Variants in PPA2 observed in about 807,000 individuals in gnomAD.
PPA2 encodes inorganic pyrophosphatase 2, mitochondrial.
Under a neutral mutation model 49.5 loss-of-function variants are expected in PPA2, and 48 were observed. That is an observed-to-expected ratio of 0.97 (90% CI 0.77 to 1.23). PPA2 has a LOEUF of 1.23. Among genes scored for constraint, PPA2 ranks in the 50% most tolerant of loss-of-function variants. The pLI is 0.00. For synonymous variants in PPA2, 131 were observed against 139.9 expected (o/e 0.94, Z 0.45); for missense variants, 429 against 410.1 (o/e 1.05, Z -0.40).
At chr4:105,373,874 G>A (rs775438764) in intron 10 of PPA2, among the ~76,000 whole-genome samples, 2 of 151,688 alleles carry the variant, frequency 1.3e-5, no homozygotes, top group Non-Finnish European at 2.9e-5. Context: ...TATTAAAAGA[G>A]AAACTGTCAT....
At chr4:105,371,121 G>A (rs531897062) in intron 10 of PPA2, among the ~76,000 whole-genome samples, 27 of 152,274 alleles carry the variant, frequency 1.8e-4, no homozygotes, top group Middle Eastern at 3.4e-3. Flanking sequence ...GGAATCCACT[G>A]AAGGTCTTGC....
At chr4:105,453,474 G>T (rs1195412261) in intron 3 of PPA2, 124 bp downstream of exon 3, 1 of 621,988 alleles carries the variant, frequency 1.6e-6, no homozygotes, top group Non-Finnish European at 2.6e-6. Flanking sequence ...AAAAACATCG[G>T]AATGCACATG....
chr4:105,427,270 C>A (rs1428419157), intron 6 of PPA2, among the ~76,000 whole-genome samples: 6 of 152,098 alleles, frequency 3.9e-5, no homozygotes, highest in Middle Eastern at 3.2e-3. Flanking sequence ...CTGAAAATTC[C>A]AAAAACCAGA....
At chr4:105,404,327 C>T (rs1044391459) in intron 7 of PPA2, among the ~76,000 whole-genome samples, 5 of 151,828 alleles carry the variant, frequency 3.3e-5, no homozygotes, top group Non-Finnish European at 7.4e-5. Context: ...CCCCAATCCC[C>T]TGATTTTTTA....
rs562985556 is a variant in PPA2, at chr4:105,468,854, TC to T, written c.157+5039del. Among the ~76,000 whole-genome samples the T allele has an allele frequency of 1.0e-3, 153 of 152,276 alleles. 1 individual carries two copies. The highest frequency in any genetic ancestry group is 3.4e-3 in the African/African-American group (142 of 41,542). On this transcript the variant is annotated intron_variant, in intron 1 of 11. Coordinates refer to ENST00000341695, the MANE Select transcript of PPA2 (RefSeq NM_176869.3). ...CTATTTGTAGTACAACTTAAACTAA[TC>T]CCCCTGTGTTAAGTTCTACATCCAT... is the stretch of plus-strand genomic sequence containing the variant.
At chr4:105,458,887 T>C (rs1244333476) in intron 1 of PPA2, among the ~76,000 whole-genome samples, 2 of 150,878 alleles carry the variant, frequency 1.3e-5, no homozygotes, top group Non-Finnish European at 2.9e-5. Context: ...CCCACCAATA[T>C]TTTATTTCCC....
intron 6 of PPA2, among the ~76,000 whole-genome samples, chr4:105,434,793 T>C (rs1209031491): frequency 6.6e-6 from 1 of 152,196 alleles, no homozygotes; most frequent in Admixed American, 6.5e-5. Context: ...GACACACTCT[T>C]TGACTTCACA....
chr4:105,405,666 C>G (rs1359105681), intron 7 of PPA2: 2 of 998,908 alleles, frequency 2.0e-6, no homozygotes, highest in African/African-American at 1.7e-5. Context: ...GACCTTTTGA[C>G]AGGAGGGGCA....
chr4:105,447,751 T>C (rs1049762334), intron 4 of PPA2, among the ~76,000 whole-genome samples: 1 of 135,058 alleles, frequency 7.4e-6, no homozygotes, highest in Admixed American at 7.6e-5. Flanking sequence ...TTTTTTTTTT[T>C]GAGACAGAGT....
chr4:105,381,801 A>G (rs1486711575), intron 10 of PPA2, among the ~76,000 whole-genome samples: 1 of 152,106 alleles, frequency 6.6e-6, no homozygotes, highest in East Asian at 1.9e-4. Context: ...GTCTTAAAAG[A>G]AAGAAAACCC....
chr4:105,402,953 T>C (rs1026244701), intron 7 of PPA2, among the ~76,000 whole-genome samples: 11 of 152,120 alleles, frequency 7.2e-5, no homozygotes, highest in African/African-American at 2.4e-4. Flanking sequence ...ACATGAGATG[T>C]AAAACTGAAA....
intron 1 of PPA2, among the ~76,000 whole-genome samples, chr4:105,472,160 G>A (rs751268410): frequency 6.6e-6 from 1 of 152,178 alleles, no homozygotes; most frequent in South Asian, 2.1e-4. Context: ...AAGGTCAAAA[G>A]CTTCATTTTA....
chr4:105,379,266 A>G (rs2110365600), intron 10 of PPA2, among the ~76,000 whole-genome samples: 1 of 152,094 alleles, frequency 6.6e-6, no homozygotes, highest in Middle Eastern at 3.4e-3. Context: ...TTTTGATACC[A>G]TTATAAATAA....
chr4:105,399,138 G>C lies in PPA2; in HGVS notation c.682C>G (p.Pro228Ala). Residue 228 changes from proline to alanine, a missense_variant, in exon 8 of 12, where the codon CCG (proline) becomes GCG (alanine). Coordinates refer to ENST00000341695, the MANE Select transcript of PPA2 (RefSeq NM_176869.3). ...HDIDDVKKFK[P>A]GYLEATLNWF... ...TTAAGAGTAGCTTCCAGGTAACCCG[G>C]TTTGAACTTCTTAACATCATCAATA... 2 of 1,605,394 alleles carry C rather than the reference G, an allele frequency of 1.2e-6. No individual in the cohort carries two copies. The highest frequency in any genetic ancestry group is 1.7e-6 in the Non-Finnish European group (2 of 1,177,520).
At chr4:105,414,971 A>G (rs1198721800) in intron 7 of PPA2, among the ~76,000 whole-genome samples, 1 of 152,112 alleles carries the variant, frequency 6.6e-6, no homozygotes, top group Non-Finnish European at 1.5e-5. Flanking sequence ...TACAGCCCTC[A>G]GCAGAGAGGA....
chr4:105,384,941 C>A (rs1475475310), intron 10 of PPA2, among the ~76,000 whole-genome samples: 2 of 152,188 alleles, frequency 1.3e-5, no homozygotes, highest in Non-Finnish European at 2.9e-5. Flanking sequence ...CCAAACATTT[C>A]CAATCTCATC....
chr4:105,398,487 T>C (rs1173666590), intron 8 of PPA2: 1 of 152,172 alleles, frequency 6.6e-6, no homozygotes, highest in Non-Finnish European at 1.5e-5. Flanking sequence ...GGTAATAACT[T>C]TAAAAAAAAT....
At chr4:105,440,364 C>A (rs1314036817) in intron 5 of PPA2, among the ~76,000 whole-genome samples, 8 of 151,858 alleles carry the variant, frequency 5.3e-5, no homozygotes, top group Admixed American at 4.6e-4. Flanking sequence ...TGGGTTCAAG[C>A]GATTCTCCCG....
intron 10 of PPA2, among the ~76,000 whole-genome samples, chr4:105,382,276 T>C (rs2636722): frequency 0.52 from 78,456 of 151,910 alleles, 21,203 homozygotes; most frequent in East Asian, 0.68. Context: ...AAGTCTTTTG[T>C]AACTCTATTT....
Sources: allele counts gnomAD v4.1 joint callset (sites outside exome capture counted in the v4.1 genomes callset), GRCh38; gene constraint gnomAD v4.1.1; transcripts MANE v1.5; gene names NCBI Gene and HGNC (gene_info 2026-07-23, HGNC 2026-07-21).